Variants in COQ3 observed in about 807,000 individuals in gnomAD.
The protein encoded by COQ3 is ubiquinone biosynthesis O-methyltransferase, mitochondrial.
A neutral mutation model predicts 33.1 loss-of-function variants in COQ3; 29 were observed. That is an observed-to-expected ratio of 0.88 (90% CI 0.65 to 1.19). The LOEUF is 1.19. COQ3 is among the 50% of genes most tolerant of loss of function. COQ3 has a pLI of 0.00. For synonymous variants in COQ3, 173 were observed against 157.8 expected (o/e 1.10, Z -0.72); for missense variants, 437 against 430.7 (o/e 1.01, Z -0.13).
chr6:99,387,241 G>T (rs985840815), intron 1 of COQ3, among the ~76,000 whole-genome samples: 12 of 152,170 alleles, frequency 7.9e-5, no homozygotes, highest in African/African-American at 2.9e-4. Flanking sequence ...TTGAGCCCAG[G>T]AGTTTGAGAC....
chr6:99,390,108 G>A (rs1483861308), intron 1 of COQ3, among the ~76,000 whole-genome samples: 2 of 152,068 alleles, frequency 1.3e-5, no homozygotes, highest in African/African-American at 4.8e-5. Flanking sequence ...GTGAGACTCC[G>A]TCTCAAAACG....
At chr6:99,394,043 G>T in intron 1 of COQ3, 31 bp downstream of exon 1, 1 of 1,570,878 alleles carries the variant, frequency 6.4e-7, no homozygotes, top group Non-Finnish European at 8.8e-7. Flanking sequence ...GCAATTGACT[G>T]CATGCGAAGG....
At chr6:99,372,742 A>G (rs1325973626) in intron 5 of COQ3, among the ~76,000 whole-genome samples, 1 of 152,122 alleles carries the variant, frequency 6.6e-6, no homozygotes, top group East Asian at 1.9e-4. Context: ...TAGTAAATAT[A>G]TTTATGGCGT....
At chr6:99,377,324 G>A (rs1333961726) in intron 4 of COQ3, 62 bp downstream of exon 4, 2 of 1,170,332 alleles carry the variant, frequency 1.7e-6, no homozygotes, top group African/African-American at 1.5e-5. Flanking sequence ...AATAAATGAG[G>A]CACAAGTCTA....
intron 1 of COQ3, among the ~76,000 whole-genome samples, chr6:99,391,567 T>G (rs1302567639): frequency 6.9e-6 from 1 of 145,124 alleles, no homozygotes; most frequent in East Asian, 2.0e-4. Flanking sequence ...GGTATTACTA[T>G]TATGAAACTA....
chr6:99,385,967 A>C (rs1340272514), intron 1 of COQ3, among the ~76,000 whole-genome samples: 2 of 128,882 alleles, frequency 1.6e-5, no homozygotes, highest in Admixed American at 1.8e-4. Flanking sequence ...ATGGAGGAAG[A>C]CTCTGTCTCA....
At chr6:99,384,362 A>T (rs1282705438) in intron 1 of COQ3, among the ~76,000 whole-genome samples, 1 of 152,224 alleles carries the variant, frequency 6.6e-6, no homozygotes, top group Non-Finnish European at 1.5e-5. Flanking sequence ...AATTAGCCAA[A>T]ACAAGTAATG....
intron 2 of COQ3, 126 bp downstream of exon 2, chr6:99,383,568 TTAAA>T: frequency 3.0e-6 from 2 of 656,252 alleles, no homozygotes; most frequent in Non-Finnish European, 4.7e-6. Context: ...TTGAGACTAC[TTAAA>T]TAAACACAAG....
intron 6 of COQ3, 49 bp from the exon 7 acceptor site, chr6:99,369,869 TC>T (rs767266024): frequency 2.4e-6 from 3 of 1,260,996 alleles, no homozygotes; most frequent in Non-Finnish European, 3.4e-6. Context: ...ATATTTTCCT[TC>T]CAATTTCCAA....
At chr6:99,373,174 C>A (rs1439044828) in intron 5 of COQ3, among the ~76,000 whole-genome samples, 2 of 152,104 alleles carry the variant, frequency 1.3e-5, no homozygotes, top group African/African-American at 2.4e-5. Flanking sequence ...GTGGCTCATG[C>A]CTATAATTCT....
chr6:99,392,517 CCT>C (rs1774859636), intron 1 of COQ3, among the ~76,000 whole-genome samples: 1 of 151,050 alleles, frequency 6.6e-6, no homozygotes, highest in African/African-American at 2.4e-5. Context: ...CTTGCCACCC[CCT>C]GCCTTTACCT....
chr6:99,386,269 A>C (rs1774652146), intron 1 of COQ3, among the ~76,000 whole-genome samples: 1 of 152,028 alleles, frequency 6.6e-6, no homozygotes, highest in African/African-American at 2.4e-5. Context: ...ATCTCTGCTA[A>C]AAATACAAAA....
rs763119047 is a variant in COQ3 at position 99,376,051 on chromosome 6, T to C, written c.618A>G (p.Glu206=). The C allele has an allele frequency of 2.4e-5, 38 of 1,614,010 alleles. No individual in the cohort carries two copies. Among genetic ancestry groups the C allele is most frequent in the Non-Finnish European group, 1.9e-5 (22 of 1,179,872 alleles). Residue 206 remains glutamate, a synonymous_variant, in exon 5 of 7, where the codon GAA becomes GAG. Transcript: ENST00000254759. ...KRIEYRVCSL[E]EIVEETAETF... ...TTTCTGCAGTCTCTTCCACAATCTC[T>C]TCCAGGGAACACACTCTGTACTCTA...
chr6:99,377,598 A>AT (rs200705703), intron 3 of COQ3, 113 bp from the exon 4 acceptor site: 9 of 571,334 alleles, frequency 1.6e-5, no homozygotes, highest in Middle Eastern at 4.6e-4. Context: ...TAAATTATTC[A>AT]TTTTTTTTAT....
chr6:99,391,873 C>T (rs898109762), intron 1 of COQ3, among the ~76,000 whole-genome samples: 1 of 152,100 alleles, frequency 6.6e-6, no homozygotes, highest in Non-Finnish European at 1.5e-5. Context: ...GTGGTGCCTG[C>T]CTGTAGTCCC....
chr6:99,376,994 A>G (rs1183928866), intron 4 of COQ3, among the ~76,000 whole-genome samples: 2 of 138,938 alleles, frequency 1.4e-5, no homozygotes, highest in Admixed American at 7.2e-5. Context: ...AATATTATGG[A>G]TGTGTGTGTG....
chr6:99,374,986 CTTTT>C (rs781414728), intron 5 of COQ3, among the ~76,000 whole-genome samples: 4 of 140,284 alleles, frequency 2.9e-5, no homozygotes, highest in Non-Finnish European at 1.6e-5. Flanking sequence ...CAATTTCTTT[CTTTT>C]TTTTTTTTTT....
chr6:99,375,147 T>C (rs1774248389), intron 5 of COQ3, among the ~76,000 whole-genome samples: 1 of 152,142 alleles, frequency 6.6e-6, no homozygotes, highest in African/African-American at 2.4e-5. Flanking sequence ...TTTGTATTTT[T>C]AGTAGAGACG....
intron 4 of COQ3, among the ~76,000 whole-genome samples, chr6:99,376,495 A>G (rs944568438): frequency 6.6e-6 from 1 of 152,244 alleles, no homozygotes; most frequent in Non-Finnish European, 1.5e-5. Context: ...GTATTAACAT[A>G]TTTAAAGTGC....
Sources: allele counts gnomAD v4.1 joint callset (sites outside exome capture counted in the v4.1 genomes callset), GRCh38; gene constraint gnomAD v4.1.1; transcripts MANE v1.5; gene names NCBI Gene and HGNC (gene_info 2026-07-23, HGNC 2026-07-21).